Variants in SMIM17 observed in about 807,000 individuals in gnomAD.
The protein encoded by SMIM17 is small integral membrane protein 17.
In SMIM17, 10 loss-of-function variants were observed where a neutral mutation model predicts 12.2. The ratio of observed to expected loss-of-function variants is 0.82; its 90% CI spans 0.50 to 1.39. SMIM17 has a LOEUF of 1.39. Ranked by LOEUF, SMIM17 falls within the 40% of genes most tolerant of loss-of-function variation. The pLI, the probability that SMIM17 is intolerant of heterozygous loss-of-function variation, is 0.00. For synonymous variants in SMIM17, 50 were observed against 44.1 expected, an observed-to-expected ratio of 1.13 and a Z score of -0.53; for missense variants, 136 against 118.2, an observed-to-expected ratio of 1.15 and a Z score of -0.70.
intron 3 of SMIM17, 46 bp from the exon 4 acceptor site, chr19:56,655,057 G>T: frequency 3.2e-6 from 2 of 634,238 alleles, no homozygotes; most frequent in South Asian, 3.6e-5. Flanking sequence ...AACAATGGTG[G>T]CCCCTTCCTT....
At chr19:56,649,782 G>T (rs2045095505) in intron 3 of SMIM17, among the ~76,000 whole-genome samples, 1 of 152,128 alleles carries the variant, frequency 6.6e-6, no homozygotes, top group South Asian at 2.1e-4. Flanking sequence ...AGGTCATGGG[G>T]GCGATGGGGT....
chr19:56,647,512 C>T lies in SMIM17; in HGVS notation c.170-46C>T, dbSNP rs570802699. Reference sequence around the variant, plus strand: ...GGAAGAGCCCACTCCTGCCATCTGGCCACTCACTCATGGCTCCTTTTTCCT... The same window carrying T: ...GGAAGAGCCCACTCCTGCCATCTGGTCACTCACTCATGGCTCCTTTTTCCT... On this transcript the variant is annotated intron_variant, in intron 2 of 3. Transcript: ENST00000598409. The T allele has an allele frequency of 5.1e-5, 73 of 1,430,148 alleles. No homozygotes were observed. In the African/African-American group the frequency reaches 9.2e-4, roughly 18 times the overall value. The allele number at this position is 1,430,148 out of a possible 1,614,324, so 88.6% of individuals were successfully genotyped here.
At position 56,656,268 on chromosome 19, in the gene SMIM17, A is replaced by G. The variant is rs557659264; in HGVS notation, c.*1055A>G. Among the ~76,000 whole-genome samples, 1 of 152,164 alleles carries G rather than the reference A, an allele frequency of 6.6e-6. No individual in the cohort carries two copies. Among genetic ancestry groups the G allele is most frequent in the East Asian group, 1.9e-4 (1 of 5,186 alleles). ...CCAGAGTTCTTTTATCCTCTAGAAA[A>G]TTCTTCATTCCATAGAGCTTTTTCA... is the stretch of plus-strand genomic sequence containing the variant. On this transcript the variant is annotated 3_prime_UTR_variant, in exon 4 of 4. Coordinates refer to ENST00000598409, the MANE Select transcript of SMIM17 (RefSeq NM_001193628.2).
intron 1 of SMIM17, among the ~76,000 whole-genome samples, chr19:56,644,918 C>T (rs1399839209): frequency 6.6e-6 from 1 of 152,204 alleles, no homozygotes; most frequent in East Asian, 1.9e-4. Context: ...GACACCACAC[C>T]TGGCTAATTT....
chr19:56,646,432 A>G (rs1446374833), intron 2 of SMIM17, among the ~76,000 whole-genome samples: 1 of 152,186 alleles, frequency 6.6e-6, no homozygotes, highest in African/African-American at 2.4e-5. Context: ...CAGTGTCTGG[A>G]AACATTTAGG....
In SMIM17 at chr19:56,645,585, T is replaced by C; in HGVS notation, c.-83T>C. The C allele has an allele frequency of 7.6e-7, 1 of 1,317,258 alleles. No homozygotes were observed. The highest frequency in any genetic ancestry group is 1.0e-6 in the Non-Finnish European group (1 of 1,000,656). 81.6% of individuals were successfully genotyped at this position (1,317,258 alleles called of 1,614,324 possible). ...TCCATCAGTCCTCAGGTTCTGAATCTTGTGCCTGGAGAACCAGAGAGGACC... is the reference window on the plus strand; with the variant it reads ...TCCATCAGTCCTCAGGTTCTGAATCCTGTGCCTGGAGAACCAGAGAGGACC... On this transcript the variant is annotated 5_prime_UTR_variant, in exon 2 of 4. Transcript: ENST00000598409.
chr19:56,645,131 A>G (rs2045052013), intron 1 of SMIM17, among the ~76,000 whole-genome samples: 1 of 151,988 alleles, frequency 6.6e-6, no homozygotes, highest in African/African-American at 2.4e-5. Flanking sequence ...GTGTGTGAGT[A>G]TGAATGTGAG....
intron 3 of SMIM17, among the ~76,000 whole-genome samples, chr19:56,651,432 G>T (rs1013488076): frequency 1.3e-5 from 2 of 152,126 alleles, no homozygotes; most frequent in African/African-American, 4.8e-5. Flanking sequence ...AAGAAAAAGA[G>T]TTACTTTCCG....
intron 3 of SMIM17, among the ~76,000 whole-genome samples, chr19:56,649,347 A>G (rs1004549014): frequency 1.1e-4 from 17 of 152,332 alleles, no homozygotes; most frequent in African/African-American, 4.1e-4. Flanking sequence ...AGTGCCAAGC[A>G]GTGTTCAATG....
At chr19:56,647,383 T>TTG (rs1045407324) in intron 2 of SMIM17, among the ~76,000 whole-genome samples, 175 bp from the exon 3 acceptor site, 1 of 131,070 alleles carries the variant, frequency 7.6e-6, no homozygotes, top group African/African-American at 3.1e-5. Context: ...GGTTGTGTGT[T>TTG]TGTGTGTGTG....
intron 1 of SMIM17, among the ~76,000 whole-genome samples, chr19:56,644,594 C>A (rs1360686711): frequency 6.6e-6 from 1 of 152,228 alleles, no homozygotes; most frequent in Admixed American, 6.5e-5. Context: ...CATGGTGCAG[C>A]TTCTTCAGAC....
intron 2 of SMIM17, among the ~76,000 whole-genome samples, chr19:56,646,920 T>G (rs986591963): frequency 6.6e-6 from 1 of 152,138 alleles, no homozygotes; most frequent in African/African-American, 2.4e-5. Context: ...CCTCAGGGGA[T>G]GAGCAGGGCT....
Position 56,645,788 on chromosome 19 carries a change from TG to T in SMIM17, c.124del (p.Glu42ArgfsTer55). 6.5e-7 allele frequency: 1 copy of T among 1,535,776 alleles called. No homozygotes were observed. Among genetic ancestry groups the T allele is most frequent in the Non-Finnish European group, 8.7e-7 (1 of 1,146,786 alleles). On this transcript the variant is annotated frameshift_variant, in exon 2 of 4. Coordinates refer to ENST00000598409, the MANE Select transcript of SMIM17 (RefSeq NM_001193628.2). LOFTEE classifies it high-confidence loss of function. Reference protein sequence around the residue: ...KPPHPACTKDWEAVEVGASSH... With the variant: ...KPPHPACTKDXEAVEVGASSH... ...TCCTCATCCCGCCTGCACCAAAGAC[TG>T]GGAGGCTGTGGAGGTTGGGGCCTCC...
Position 56,643,179 on chromosome 19 carries a change from T to C in SMIM17, c.-132T>C, listed in dbSNP as rs2045036758. On this transcript the variant is annotated 5_prime_UTR_variant, in exon 1 of 4. Transcript: ENST00000598409. ...GCCGCAGTCAGTGCGGCGCCAGCTC[T>C]GCAGAGCCCAGACAGGGTCCGGTTG... The C allele has an allele frequency of 6.6e-6, 1 of 151,710 alleles. No homozygotes were observed. Among genetic ancestry groups the C allele is most frequent in the South Asian group, 2.1e-4 (1 of 4,774 alleles). 9.4% of individuals were successfully genotyped at this position (151,710 alleles called of 1,614,324 possible).
chr19:56,650,037 T>C (rs1483500891), intron 3 of SMIM17, among the ~76,000 whole-genome samples: 3 of 152,064 alleles, frequency 2.0e-5, no homozygotes, highest in Non-Finnish European at 4.4e-5. Flanking sequence ...GTGGGTTGGA[T>C]GTGGCTGGGG....
At chr19:56,654,374 G>A (rs1236957793) in intron 3 of SMIM17, among the ~76,000 whole-genome samples, 6 of 152,218 alleles carry the variant, frequency 3.9e-5, no homozygotes, top group East Asian at 1.9e-4. Flanking sequence ...TGACGTCAGC[G>A]TTAGAAGGAG....
intron 3 of SMIM17, among the ~76,000 whole-genome samples, chr19:56,651,937 C>T (rs71352896): frequency 6.6e-6 from 1 of 151,738 alleles, no homozygotes; most frequent in African/African-American, 2.4e-5. Flanking sequence ...AACCCCATTT[C>T]TACTAAAAAT....
chr19:56,653,408 G>A (rs909179710), intron 3 of SMIM17, among the ~76,000 whole-genome samples: 7 of 152,112 alleles, frequency 4.6e-5, no homozygotes, highest in African/African-American at 1.7e-4. Flanking sequence ...TATCTTCATT[G>A]TATTTCAAAG....
Position 56,655,189 on chromosome 19 carries a change from G to A in SMIM17, c.333G>A (p.Gly111=). 1 of 702,480 alleles carries A rather than the reference G, an allele frequency of 1.4e-6. No homozygotes were observed. Among genetic ancestry groups the A allele is most frequent in the Non-Finnish European group, 2.6e-6 (1 of 384,762 alleles). 43.5% of individuals were successfully genotyped at this position (702,480 alleles called of 1,614,324 possible). Residue 111 remains glycine (G), a synonymous_variant, in exon 4 of 4, where the codon GGG becomes GGA. Coordinates refer to ENST00000598409, the MANE Select transcript of SMIM17 (RefSeq NM_001193628.2). ...TTTTTTTGTTCCTGGTTTTAACGGGGATGCCTATGATGTTTCACATTTAAC... is the reference window on the plus strand; with the variant it reads ...TTTTTTTGTTCCTGGTTTTAACGGGAATGCCTATGATGTTTCACATTTAAC... The part of the protein sequence containing the change: ...CVLFLFLVLT[G]MPMMFHI
Sources: gnomAD v4.1 joint callset for allele counts (sites outside exome capture counted in the v4.1 genomes callset) on GRCh38, gnomAD v4.1.1 for gene constraint, MANE v1.5 for transcripts, NCBI Gene and HGNC (gene_info 2026-07-23, HGNC 2026-07-21) for gene names.